Variants in ARHGEF38 observed in about 807,000 individuals in gnomAD.
ARHGEF38 encodes Rho guanine nucleotide exchange factor (GEF) 38.
In ARHGEF38, 79 loss-of-function variants were observed where a neutral mutation model predicts 79.9. The observed-to-expected ratio is 0.99, with a 90% CI of 0.82 to 1.19. ARHGEF38 has a LOEUF of 1.19. Ranked by LOEUF, ARHGEF38 falls within the 50% of genes most tolerant of loss-of-function variation. The pLI is 0.00. For synonymous variants in ARHGEF38, 366 were observed against 328.3 expected (o/e 1.11, Z -1.24); for missense variants, 962 against 907.2 (o/e 1.06, Z -0.78).
chr4:105,638,399 G>T (rs1307778635), intron 5 of ARHGEF38, among the ~76,000 whole-genome samples: 2 of 152,018 alleles, frequency 1.3e-5, no homozygotes, highest in African/African-American at 4.8e-5. Flanking sequence ...GCTATCTTCA[G>T]AAATGCAGTG....
At chr4:105,593,678 T>C (rs914938108) in intron 2 of ARHGEF38, among the ~76,000 whole-genome samples, 2 of 152,252 alleles carry the variant, frequency 1.3e-5, no homozygotes, top group East Asian at 1.9e-4. Flanking sequence ...ATCTGCTACA[T>C]TGGTGAGTCA....
intron 9 of ARHGEF38, 55 bp from the exon 10 acceptor site, chr4:105,658,999 G>C (rs1730450734): frequency 7.0e-7 from 1 of 1,433,690 alleles, no homozygotes; most frequent in Admixed American, 2.4e-5. Flanking sequence ...AGCAGAACTG[G>C]ACAAGGTATG....
At chr4:105,613,294 C>T (rs1474183546) in intron 2 of ARHGEF38, 90 bp from the exon 3 acceptor site, 28 of 1,410,276 alleles carry the variant, frequency 2.0e-5, no homozygotes, top group African/African-American at 4.3e-5. Flanking sequence ...AGACAGCATG[C>T]GCTGGCATTT....
At chr4:105,648,516 G>A (rs937559277) in intron 6 of ARHGEF38, 33 bp from the exon 7 acceptor site, 2 of 1,465,964 alleles carry the variant, frequency 1.4e-6, no homozygotes, top group Admixed American at 2.5e-5. Flanking sequence ...TGCTGCATGT[G>A]TTCAGCTACG....
At chr4:105,553,036 A>C (rs1407761010) in intron 1 of ARHGEF38, 75 bp downstream of exon 1, 4 of 1,230,258 alleles carry the variant, frequency 3.3e-6, no homozygotes, top group Middle Eastern at 2.7e-4. Flanking sequence ...AATTGCAAAG[A>C]AAACACACAA....
intron 1 of ARHGEF38, chr4:105,563,272 A>G (rs971971320): frequency 1.1e-4 from 16 of 152,210 alleles, no homozygotes; most frequent in African/African-American, 3.9e-4. Context: ...AAGAAAATAC[A>G]CTGAAATCTG....
chr4:105,620,278 G>A (rs867603583), intron 3 of ARHGEF38, among the ~76,000 whole-genome samples: 17 of 152,164 alleles, frequency 1.1e-4, no homozygotes, highest in African/African-American at 3.1e-4. Context: ...TTAATATCAG[G>A]TTGACTTGGG....
chr4:105,566,830 C>T (rs528277241), intron 1 of ARHGEF38, among the ~76,000 whole-genome samples: 246 of 151,606 alleles, frequency 1.6e-3, no homozygotes, highest in African/African-American at 5.5e-3. Flanking sequence ...CTTGGCTCAC[C>T]GCAACCTCCA....
At chr4:105,556,578 G>A (rs1323522156) in intron 1 of ARHGEF38, among the ~76,000 whole-genome samples, 2 of 152,036 alleles carry the variant, frequency 1.3e-5, no homozygotes, top group Non-Finnish European at 2.9e-5. Flanking sequence ...TGTCTGAAAT[G>A]GTTTTTGTTT....
chr4:105,612,719 A>G (rs189608973), intron 2 of ARHGEF38, among the ~76,000 whole-genome samples: 1 of 152,128 alleles, frequency 6.6e-6, no homozygotes. Flanking sequence ...TTCTTTCGTA[A>G]TTCTTGGTAC....
At chr4:105,675,502 A>G (rs1018545230) in intron 13 of ARHGEF38, among the ~76,000 whole-genome samples, 4 of 152,234 alleles carry the variant, frequency 2.6e-5, no homozygotes, top group Admixed American at 6.5e-5. Context: ...ATGATACAAG[A>G]TGATGTCTTG....
At chr4:105,606,642 T>A (rs1440172273) in intron 2 of ARHGEF38, among the ~76,000 whole-genome samples, 1 of 152,106 alleles carries the variant, frequency 6.6e-6, no homozygotes, top group African/African-American at 2.4e-5. Flanking sequence ...CTATCTAGAT[T>A]TCAAAAATTT....
In ARHGEF38 at chr4:105,660,620, A is replaced by G. The variant is rs545881545; in HGVS notation, c.1545+1255A>G. ...AAGCCCAGCTAATTTTTGTGTTTTT[A>G]GTAGAGACGGGGTTTCTCCATTTTG... On this transcript the variant is annotated intron_variant, in intron 10 of 13. Transcript: ENST00000420470. Among the ~76,000 whole-genome samples, 713 of 152,162 alleles carry G rather than the reference A, an allele frequency of 4.7e-3. 7 individuals carry two copies. Among genetic ancestry groups the G allele is most frequent in the African/African-American group, 0.016 (672 of 41,532 alleles).
In ARHGEF38 at chr4:105,652,320, T is replaced by A. The variant is rs140516393; in HGVS notation, c.1009-1745T>A. Among the ~76,000 whole-genome samples the A allele has an allele frequency of 2.4e-3, 362 of 152,354 alleles. 2 individuals carry two copies. The highest frequency in any genetic ancestry group is 8.4e-3 in the African/African-American group (351 of 41,588). On this transcript the variant is annotated intron_variant, in intron 7 of 13. Transcript: ENST00000420470. ...TGGAACACAGTCAGTGTTTAACAAA[T>A]GTTCGCTATTATTTTCATTAAAACA... is the stretch of plus-strand genomic sequence containing the variant.
rs1560684546 is a variant in ARHGEF38 at position 105,561,464 on chromosome 4, A to AGAATAGAATAGAATGGAATGGAATG, written c.196+8517_196+8518insGGAATGGAATGGAATAGAATAGAAT. The AGAATAGAATAGAATGGAATGGAATG allele has an allele frequency of 6.7e-5, 3 of 44,602 alleles. 1 individual carries two copies. The highest frequency in any genetic ancestry group is 1.9e-4 in the African/African-American group (2 of 10,636). The allele number at this position is 44,602 out of a possible 1,614,324, so 2.8% of individuals were successfully genotyped here. On this transcript the variant is annotated intron_variant, in intron 1 of 13. Transcript: ENST00000420470. ...AGAATAGAATGGAATAGAATAGAATAGAATAGAATAGAATAGAATAGAATA... is the reference window on the plus strand; with the variant it reads ...AGAATAGAATGGAATAGAATAGAATAGAATAGAATAGAATGGAATGGAATGGAATAGAATAGAATAGAATAGAATA...
At chr4:105,638,524 C>G (rs375181705) in intron 5 of ARHGEF38, among the ~76,000 whole-genome samples, 1 of 152,068 alleles carries the variant, frequency 6.6e-6, no homozygotes, top group East Asian at 1.9e-4. Context: ...ATTATTTTCT[C>G]TTTTCTTTGT....
At chr4:105,563,933 A>G (rs966971762) in intron 1 of ARHGEF38, among the ~76,000 whole-genome samples, 1 of 152,184 alleles carries the variant, frequency 6.6e-6, no homozygotes, top group Admixed American at 6.5e-5. Context: ...GAAACACTAG[A>G]ATATTCTGCT....
At chr4:105,669,986 C>T (rs558073274) in intron 13 of ARHGEF38, among the ~76,000 whole-genome samples, 10 of 152,160 alleles carry the variant, frequency 6.6e-5, no homozygotes, top group African/African-American at 2.4e-4. Context: ...TGCTTTTTAT[C>T]GCCTACTAAT....
At chr4:105,599,782 G>A (rs978986170) in intron 2 of ARHGEF38, among the ~76,000 whole-genome samples, 2 of 152,154 alleles carry the variant, frequency 1.3e-5, no homozygotes, top group African/African-American at 4.8e-5. Context: ...ATGCACTTAT[G>A]TAAGGCACTT....
Sources: gnomAD v4.1 joint callset for allele counts (sites outside exome capture counted in the v4.1 genomes callset) on GRCh38, gnomAD v4.1.1 for gene constraint, MANE v1.5 for transcripts, NCBI Gene and HGNC (gene_info 2026-07-23, HGNC 2026-07-21) for gene names.